PDS5A: variants seen among roughly 807,000 people sequenced by gnomAD.
PDS5A encodes the protein sister chromatid cohesion protein PDS5 homolog A.
In PDS5A, 42 loss-of-function variants were observed where a neutral mutation model predicts 167.1. The ratio of observed to expected loss-of-function variants is 0.25; its 90% CI spans 0.20 to 0.33. The LOEUF is 0.33. Among genes scored for constraint, PDS5A ranks in the 10% least tolerant of loss-of-function variants. The pLI is 1.00. For synonymous variants in PDS5A, 553 were observed against 554.6 expected (o/e 1.00, Z 0.04); for missense variants, 1,033 against 1,605.9 (o/e 0.64, Z 6.10).
At chr4:39,844,168 A>C (rs1317782808) in intron 30 of PDS5A, among the ~76,000 whole-genome samples, 1 of 151,572 alleles carries the variant, frequency 6.6e-6, no homozygotes, top group African/African-American at 2.4e-5. Context: ...AAATTACATA[A>C]AATTAAGAAA....
rs377653620 is a variant in PDS5A, at chr4:39,920,361, T to C, written c.693A>G (p.Leu231=). ...NKQSFDLAKV[L]LKRTVQTIEA... ...CAATAGTCTGGACTGTTCTTTTCAA[T>C]AGCACTTTTGCAAGGTCAAAGGACT... Residue 231 remains leucine (L), a synonymous_variant, in exon 7 of 33, where the codon CTA becomes CTG. Coordinates refer to ENST00000303538, the MANE Select transcript of PDS5A (RefSeq NM_001100399.2). The C allele has an allele frequency of 1.7e-5, 27 of 1,557,382 alleles. No homozygotes were observed. The highest frequency in any genetic ancestry group is 2.0e-5 in the Non-Finnish European group (23 of 1,132,088).
At chr4:39,943,479 A>C (rs767195297) in intron 2 of PDS5A, among the ~76,000 whole-genome samples, 1 of 151,928 alleles carries the variant, frequency 6.6e-6, no homozygotes, top group Non-Finnish European at 1.5e-5. Context: ...TCCAAACCCA[A>C]TTCTATTTTA....
intron 2 of PDS5A, among the ~76,000 whole-genome samples, chr4:39,937,591 T>G (rs1000003182): frequency 1.3e-5 from 2 of 152,082 alleles, no homozygotes; most frequent in African/African-American, 4.8e-5. Context: ...TTTTTATTTA[T>G]TATTATTGGT....
chr4:39,832,288 A>G (rs1191603260), intron 32 of PDS5A, among the ~76,000 whole-genome samples: 2 of 150,882 alleles, frequency 1.3e-5, no homozygotes, highest in Admixed American at 1.3e-4. Context: ...ATCTCTGCTC[A>G]CTGCAAGCTC....
intron 2 of PDS5A, chr4:39,976,010 A>T (rs1731047607): frequency 6.5e-6 from 1 of 153,156 alleles, no homozygotes. Context: ...TAACCACCAT[A>T]TATACATATT....
At chr4:39,913,141 A>G (rs988794508) in intron 9 of PDS5A, among the ~76,000 whole-genome samples, 3 of 150,734 alleles carry the variant, frequency 2.0e-5, no homozygotes, top group Non-Finnish European at 4.4e-5. Context: ...GCTGGAATGC[A>G]GTGGCTTGAA....
In PDS5A at chr4:39,874,134, A is replaced by G. The variant is rs140786571; in HGVS notation, c.2277+155T>C. Among the ~76,000 whole-genome samples, 410 of 152,332 alleles carry G rather than the reference A, an allele frequency of 2.7e-3. 5 individuals are homozygous for G. Among genetic ancestry groups the G allele is most frequent in the East Asian group, 5.0e-3 (26 of 5,188 alleles). On this transcript the variant is annotated intron_variant, in intron 20 of 32. Coordinates refer to ENST00000303538, the MANE Select transcript of PDS5A (RefSeq NM_001100399.2). ...ATCTACAGGCTGGGAATGCAGTACC[A>G]CATAAAATAGACAGAATCCTTGCTC... is the stretch of plus-strand genomic sequence containing the variant.
At chr4:39,926,119 A>G (rs1209623267) in intron 4 of PDS5A, among the ~76,000 whole-genome samples, 186 bp from the exon 5 acceptor site, 2 of 152,162 alleles carry the variant, frequency 1.3e-5, no homozygotes, top group African/African-American at 4.8e-5. Flanking sequence ...TGATGGCATC[A>G]ATTTTCTCAA....
At chr4:39,931,669 CT>C (rs1213452905) in intron 2 of PDS5A, among the ~76,000 whole-genome samples, 1 of 152,132 alleles carries the variant, frequency 6.6e-6, no homozygotes, top group African/African-American at 2.4e-5. Flanking sequence ...AAGTGGCAGT[CT>C]TTTACGACCT....
intron 32 of PDS5A, among the ~76,000 whole-genome samples, chr4:39,825,792 G>T (rs1279873352): frequency 2.0e-5 from 3 of 151,954 alleles, no homozygotes; most frequent in Non-Finnish European, 4.4e-5. Flanking sequence ...GTACAGACGG[G>T]ATCTCATTAT....
intron 17 of PDS5A, among the ~76,000 whole-genome samples, chr4:39,889,247 G>A (rs1394455256): frequency 6.6e-6 from 1 of 152,202 alleles, no homozygotes; most frequent in East Asian, 1.9e-4. Context: ...TGAGAAGGAA[G>A]CCATCTGTTT....
chr4:39,852,453 C>T (rs1380326836), intron 26 of PDS5A, among the ~76,000 whole-genome samples: 5 of 152,048 alleles, frequency 3.3e-5, no homozygotes, highest in African/African-American at 1.2e-4. Flanking sequence ...CTCTCCATCT[C>T]GTATCTTTTC....
At chr4:39,941,002 A>G (rs1727174839) in intron 2 of PDS5A, among the ~76,000 whole-genome samples, 1 of 152,228 alleles carries the variant, frequency 6.6e-6, no homozygotes, top group Admixed American at 6.5e-5. Flanking sequence ...ATAATGAGTT[A>G]ATGGTAGGTC....
Position 39,945,458 on chromosome 4 carries a change from C to CAAAA in PDS5A, c.139-17298_139-17295dup, listed in dbSNP as rs1210256217. 5.5e-4 allele frequency among the ~76,000 whole-genome samples: 37 copies of CAAAA among 66,820 alleles called. 1 individual carries two copies. In the East Asian group the frequency reaches 7.8e-3, roughly 14 times the overall value. 43.8% of individuals were successfully genotyped at this position (66,820 alleles called of 152,430 possible). ...CCTGGGCGACAGAGCGAGACTGCCT[C>CAAAA]AAAAAAAAAAAAAAAAAAAAAAATT... is the stretch of plus-strand genomic sequence containing the variant. On this transcript the variant is annotated intron_variant, in intron 2 of 32. Transcript: ENST00000303538.
At chr4:39,975,580 C>G (rs1396142278) in intron 2 of PDS5A, among the ~76,000 whole-genome samples, 1 of 152,164 alleles carries the variant, frequency 6.6e-6, no homozygotes, top group Admixed American at 6.6e-5. Flanking sequence ...AAGATTTCAA[C>G]GTCTTTCACC....
rs1313726579 is a variant in PDS5A at position 39,824,329 on chromosome 4, G to A, written c.*1156C>T. On this transcript the variant is annotated 3_prime_UTR_variant, in exon 33 of 33. Transcript: ENST00000303538. The stretch of plus-strand genomic sequence containing the variant: ...AAAAAGACTGCCATGACATCTAGAA[G>A]CATTTATTTTATGCAAAAAACTTAA... 1 of 152,086 alleles carries A rather than the reference G, an allele frequency of 6.6e-6. No individual in the cohort carries two copies. Among genetic ancestry groups the A allele is most frequent in the African/African-American group, 2.4e-5 (1 of 41,420 alleles). 9.4% of individuals were successfully genotyped at this position (152,086 alleles called of 1,614,324 possible). A position where few individuals can be genotyped will look rare whatever the true frequency, so the allele number is the denominator to read the frequency against.
At position 39,921,584 on chromosome 4, in the gene PDS5A, A is replaced by T. The variant is rs992785314; in HGVS notation, c.654+1038T>A. ...AACCCTGTTTCTACAAAGAAAACTT[A>T]AAAAAAAAAAAAAAAAAAAAAGCCA... On this transcript the variant is annotated intron_variant, in intron 6 of 32. Coordinates refer to ENST00000303538, the MANE Select transcript of PDS5A (RefSeq NM_001100399.2). Among the ~76,000 whole-genome samples the T allele has an allele frequency of 7.6e-3, 501 of 65,708 alleles. 5 individuals carry two copies. Among genetic ancestry groups the T allele is most frequent in the Non-Finnish European group, 5.7e-3 (138 of 24,342 alleles). 43.1% of individuals were successfully genotyped at this position (65,708 alleles called of 152,430 possible).
At chr4:39,959,904 C>T (rs1327495860) in intron 2 of PDS5A, among the ~76,000 whole-genome samples, 1 of 151,970 alleles carries the variant, frequency 6.6e-6, no homozygotes, top group East Asian at 1.9e-4. Context: ...GGCTGGCCAA[C>T]ACAGTGAAAC....
At position 39,869,457 on chromosome 4, in the gene PDS5A, T is replaced by C; in HGVS notation, c.2442A>G (p.Thr814=). Residue 814 remains threonine (T), a synonymous_variant, in exon 22 of 33, where the codon ACA becomes ACG. Transcript: ENST00000303538. The part of the protein sequence containing the change: ...VKDLLMNDRS[T]GEKNGKLWSP... ...ACCACAGTTTTCCATTCTTTTCACC[T>C]GTTGACTATAGACAATTGAATAAAT... 2 of 1,589,234 alleles carry C rather than the reference T, an allele frequency of 1.3e-6. No individual in the cohort carries two copies. The highest frequency in any genetic ancestry group is 1.7e-6 in the Non-Finnish European group (2 of 1,157,474).
Sources: allele counts gnomAD v4.1 joint callset (sites outside exome capture counted in the v4.1 genomes callset), GRCh38; gene constraint gnomAD v4.1.1; transcripts MANE v1.5; gene names NCBI Gene and HGNC (gene_info 2026-07-23, HGNC 2026-07-21).